WDFY4: variants seen among roughly 807,000 people sequenced by gnomAD.
WDFY4 encodes WDFY family member 4.
WDFY4 carries 169 observed loss-of-function variants against 351.9 expected under a neutral mutation model. That is an observed-to-expected ratio of 0.48 (90% CI 0.42 to 0.55). The LOEUF is 0.55. WDFY4 is among the 20% of genes least tolerant of loss of function. WDFY4 has a pLI of 0.00. For missense variants in WDFY4, 3,803 were observed against 3,935.6 expected, an observed-to-expected ratio of 0.97 and a Z score of 0.90; for synonymous variants, 1,622 against 1,574.6, an observed-to-expected ratio of 1.03 and a Z score of -0.71.
At chr10:48,838,130 A>G (rs535868337) in intron 39 of WDFY4, among the ~76,000 whole-genome samples, 1 of 152,342 alleles carries the variant, frequency 6.6e-6, no homozygotes, top group African/African-American at 2.4e-5. Flanking sequence ...AGGGCACCAG[A>G]AGCGTGAGGA....
intron 12 of WDFY4, among the ~76,000 whole-genome samples, chr10:48,749,475 C>T (rs750836640): frequency 6.6e-6 from 1 of 152,002 alleles, no homozygotes; most frequent in Non-Finnish European, 1.5e-5. Context: ...CCACACATAC[C>T]ACCTACATAT....
chr10:48,774,481 C>T lies in WDFY4; in HGVS notation c.2577C>T (p.Ser859=), dbSNP rs181838760. 252 of 1,551,748 alleles carry T rather than the reference C, an allele frequency of 1.6e-4. No individual in the cohort carries two copies. The East Asian group carries it at 3.3e-3, about 20-fold the overall frequency. ...HPQLSEEIQC[S]LASHIQSLVK... is the part of the protein sequence containing the mutation. Reference sequence around the variant, plus strand: ...AGCTTTCCGAGGAGATCCAGTGCTCCCTGGCCAGTCATATCCAGTCCCTGG... The same window carrying T: ...AGCTTTCCGAGGAGATCCAGTGCTCTCTGGCCAGTCATATCCAGTCCCTGG... The change falls in exon 14 of 62, where the codon TCC becomes TCT. Residue 859 remains serine, a synonymous_variant. Coordinates refer to ENST00000325239, the MANE Select transcript of WDFY4 (RefSeq NM_001394531.1).
At position 48,778,666 on chromosome 10, in the gene WDFY4, G is replaced by A. The variant is rs991540651; in HGVS notation, c.3231G>A (p.Leu1077=). The A allele has an allele frequency of 9.7e-6, 15 of 1,551,490 alleles. No homozygotes were observed. The highest frequency in any genetic ancestry group is 1.3e-5 in the Non-Finnish European group (15 of 1,147,026). Residue 1077 remains leucine (L), a synonymous_variant, in exon 18 of 62, where the codon CTG becomes CTA. Coordinates refer to ENST00000325239, the MANE Select transcript of WDFY4 (RefSeq NM_001394531.1). ...PGGLTFSCWF[L]ISRHGAATEG... is the part of the protein sequence containing the mutation. ...GTCTGACCTTCTCCTGCTGGTTCCT[G>A]ATCAGCCGGCATGGAGCTGCCACTG...
At chr10:48,754,339 T>C (rs1291281382) in intron 12 of WDFY4, among the ~76,000 whole-genome samples, 1 of 151,880 alleles carries the variant, frequency 6.6e-6, no homozygotes, top group African/African-American at 2.4e-5. Context: ...ACTTCAGGGC[T>C]TTTGCAATGG....
intron 36 of WDFY4, among the ~76,000 whole-genome samples, chr10:48,827,239 G>A (rs12248218): frequency 0.33 from 50,763 of 151,558 alleles, 10,069 homozygotes; most frequent in African/African-American, 0.56. Context: ...GACTCTAGAA[G>A]CATTATCATT....
At chr10:48,745,625 A>G (rs2064985876) in intron 12 of WDFY4, 2 of 548,296 alleles carry the variant, frequency 3.6e-6, no homozygotes, top group Non-Finnish European at 3.4e-6. Flanking sequence ...CTTATGAGCT[A>G]TTTCTTCTTC....
rs186310786 is a variant in WDFY4, at chr10:48,798,140, C to T, written c.4410+1690C>T. On this transcript the variant is annotated intron_variant, in intron 24 of 61. Coordinates refer to ENST00000325239, the MANE Select transcript of WDFY4 (RefSeq NM_001394531.1). Reference sequence around the variant, plus strand: ...TACTGAAGGCAGGACCAGAGGGAGACTGACAGTCATCAATATGTATATTAT... The same window carrying T: ...TACTGAAGGCAGGACCAGAGGGAGATTGACAGTCATCAATATGTATATTAT... Among the ~76,000 whole-genome samples the T allele has an allele frequency of 2.7e-4, 41 of 152,230 alleles. 1 individual carries two copies. In the East Asian group the frequency reaches 6.9e-3, roughly 26 times the overall value.
chr10:48,869,855 C>T (rs2069695341), intron 40 of WDFY4, among the ~76,000 whole-genome samples: 1 of 152,180 alleles, frequency 6.6e-6, no homozygotes, highest in Admixed American at 6.5e-5. Flanking sequence ...TTCTCTTGTT[C>T]AGTCTCTATC....
chr10:48,929,762 T>A (rs182443716), intron 47 of WDFY4, among the ~76,000 whole-genome samples: 2 of 152,272 alleles, frequency 1.3e-5, no homozygotes, highest in African/African-American at 4.8e-5. Context: ...CAAGCCCAGC[T>A]CCCAGCCAGC....
intron 32 of WDFY4, among the ~76,000 whole-genome samples, chr10:48,819,337 G>A (rs949126783): frequency 3.3e-5 from 5 of 152,226 alleles, no homozygotes; most frequent in African/African-American, 1.2e-4. Flanking sequence ...GTGGCCAAAG[G>A]CTTGGATTTG....
intron 31 of WDFY4, among the ~76,000 whole-genome samples, chr10:48,815,325 T>C (rs1311255636): frequency 6.6e-6 from 1 of 151,444 alleles, no homozygotes; most frequent in African/African-American, 2.5e-5. Context: ...ATATGTTTAT[T>C]AGCTATCTTT....
intron 47 of WDFY4, among the ~76,000 whole-genome samples, chr10:48,938,489 G>A (rs1678705729): frequency 6.6e-6 from 1 of 152,276 alleles, no homozygotes; most frequent in Non-Finnish European, 1.5e-5. Flanking sequence ...AGCCCCCGAT[G>A]GAGGAAGAGC....
chr10:48,781,227 T>C (rs1241496218), intron 19 of WDFY4, among the ~76,000 whole-genome samples: 1 of 146,570 alleles, frequency 6.8e-6, no homozygotes, highest in Admixed American at 6.7e-5. Context: ...AATATATATA[T>C]ATGTGTGTGT....
chr10:48,882,741 G>A (rs58147458), intron 43 of WDFY4, among the ~76,000 whole-genome samples: 5,205 of 152,146 alleles, frequency 0.034, 284 homozygotes, highest in African/African-American at 0.12. Context: ...CTGAACTCTC[G>A]GAGAACTCAT....
intron 1 of WDFY4, among the ~76,000 whole-genome samples, chr10:48,697,862 G>T (rs566954047): frequency 1.3e-5 from 2 of 152,284 alleles, no homozygotes; most frequent in South Asian, 4.1e-4. Flanking sequence ...CATGACTTTA[G>T]GTGGCATCTT....
At chr10:48,921,716 C>T (rs574228857) in intron 47 of WDFY4, among the ~76,000 whole-genome samples, 6 of 152,096 alleles carry the variant, frequency 3.9e-5, no homozygotes, top group African/African-American at 1.4e-4. Context: ...ATCTTTTCAA[C>T]TCAACAGTAA....
At chr10:48,760,251 T>C (rs1183270940) in intron 12 of WDFY4, 96 bp from the exon 13 acceptor site, 1 of 1,092,656 alleles carries the variant, frequency 9.2e-7, no homozygotes, top group Non-Finnish European at 1.3e-6. Context: ...ATGTGTACCA[T>C]GATCTGTCTT....
At position 48,729,340 on chromosome 10, in the gene WDFY4, C is replaced by A. The variant is rs2064376408; in HGVS notation, c.972-92C>A. The A allele has an allele frequency of 5.4e-6, 8 of 1,488,992 alleles. No homozygotes were observed. The African/African-American group carries it at 7.0e-5, about 13-fold the overall frequency. 92.2% of individuals were successfully genotyped at this position (1,488,992 alleles called of 1,614,324 possible). On this transcript the variant is annotated intron_variant, in intron 7 of 61. Transcript: ENST00000325239. ...GTGGGGTCTTCCCCAGCTTGCAGATCCCCATTGGCTCTGTCTCCTTGAGAG... is the reference window on the plus strand; with the variant it reads ...GTGGGGTCTTCCCCAGCTTGCAGATACCCATTGGCTCTGTCTCCTTGAGAG...
At chr10:48,904,623 C>T (rs138754646) in intron 47 of WDFY4, among the ~76,000 whole-genome samples, 39 of 152,238 alleles carry the variant, frequency 2.6e-4, no homozygotes, top group Non-Finnish European at 4.7e-4. Context: ...ACAGGGGCAC[C>T]GATGCCCCCA....
Sources: gnomAD v4.1 joint callset for allele counts (sites outside exome capture counted in the v4.1 genomes callset) on GRCh38, gnomAD v4.1.1 for gene constraint, MANE v1.5 for transcripts, NCBI Gene and HGNC (gene_info 2026-07-23, HGNC 2026-07-21) for gene names.